The following FMO3 variants were observed in gnomAD, a reference collection of about 807,000 sequenced individuals.
The protein encoded by FMO3 is flavin containing dimethylaniline monoxygenase 3.
Under a neutral mutation model 39.4 loss-of-function variants are expected in FMO3, and 40 were observed. The observed-to-expected ratio is 1.02, with a 90% confidence interval of 0.79 to 1.32. FMO3 has a LOEUF of 1.32. Among genes scored for constraint, FMO3 ranks in the 40% most tolerant of loss-of-function variants. FMO3 has a pLI of 0.00. For missense variants in FMO3, 680 were observed against 651.8 expected, an observed-to-expected ratio of 1.04 and a Z score of -0.47; for synonymous variants, 219 against 228.8, an observed-to-expected ratio of 0.96 and a Z score of 0.39.
Position 171,091,563 on chromosome 1 carries a change from T to C in FMO3, c.-7+582T>C, listed in dbSNP as rs144628594. Among the ~76,000 whole-genome samples the C allele has an allele frequency of 7.7e-3, 1,144 of 149,022 alleles. 11 individuals carry two copies. Among genetic ancestry groups the C allele is most frequent in the Non-Finnish European group, 9.1e-3 (615 of 67,568 alleles). The stretch of plus-strand genomic sequence containing the variant: ...GGACGCTGAAGGTAGTGGGAAAAAA[T>C]TGTTTTTAGGTAAGAACATGACTTC... On this transcript the variant is annotated intron_variant, in intron 1 of 8. Transcript: ENST00000367755.
chr1:171,107,170 C>T (rs1246983518), intron 3 of FMO3, among the ~76,000 whole-genome samples: 1 of 152,148 alleles, frequency 6.6e-6, no homozygotes, highest in East Asian at 1.9e-4. Flanking sequence ...GTCAAAGCTA[C>T]TCAGTGTATA....
intron 2 of FMO3, among the ~76,000 whole-genome samples, chr1:171,096,081 A>ATATATATTATATATAATATATAT (rs1655012838): frequency 2.5e-4 from 14 of 55,994 alleles, no homozygotes; most frequent in South Asian, 1.7e-3. Flanking sequence ...TTAATATATA[A>ATATATATTATATATAATATATAT]TATATATTAA....
intron 6 of FMO3, 40 bp downstream of exon 6, chr1:171,111,037 G>A: frequency 1.3e-6 from 2 of 1,541,090 alleles, no homozygotes; most frequent in East Asian, 2.3e-5. Flanking sequence ...CTGGCTTTTA[G>A]TTCAGTGTCA....
At chr1:171,094,996 T>C (rs1019233882) in intron 2 of FMO3, among the ~76,000 whole-genome samples, 11 of 152,302 alleles carry the variant, frequency 7.2e-5, no homozygotes, top group African/African-American at 2.6e-4. Context: ...TGTTAGAAAT[T>C]GCATTAAGTC....
At chr1:171,109,621 G>A (rs1006573872) in intron 5 of FMO3, among the ~76,000 whole-genome samples, 13 of 130,294 alleles carry the variant, frequency 1.0e-4, no homozygotes, top group Admixed American at 3.9e-4. Flanking sequence ...TGCAACCTCC[G>A]TCTCCCAGGT....
chr1:171,101,025 T>C (rs1051261677), intron 2 of FMO3: 1 of 441,006 alleles, frequency 2.3e-6, no homozygotes, highest in Non-Finnish European at 4.5e-6. Flanking sequence ...TGTGATGACC[T>C]CAACAGAAAG....
intron 2 of FMO3, among the ~76,000 whole-genome samples, chr1:171,096,048 A>AAATATATAATATATATTATATATT (rs1463276994): frequency 1.8e-3 from 93 of 51,604 alleles, no homozygotes; most frequent in Non-Finnish European, 2.2e-3. Flanking sequence ...TATTATATAT[A>AAATATATAATATATATTATATATT]AATATATAAT....
At chr1:171,101,608 A>T in intron 2 of FMO3, 1 of 460,154 alleles carries the variant, frequency 2.2e-6, no homozygotes, top group Non-Finnish European at 4.4e-6. Context: ...CTAAGGGTGC[A>T]TATAGTTGAA....
chr1:171,103,640 A>C, intron 2 of FMO3, 145 bp from the exon 3 acceptor site: 2 of 715,646 alleles, frequency 2.8e-6, no homozygotes, highest in Non-Finnish European at 2.5e-6. Context: ...AAGAGACTTG[A>C]GCATTCGTAG....
Position 171,114,068 on chromosome 1 carries a change from G to T in FMO3, c.889G>T (p.Val297Leu), listed in dbSNP as rs762874376. 2.1e-5 allele frequency: 34 copies of T among 1,613,292 alleles called. No individual in the cohort carries two copies. Among genetic ancestry groups the T allele is most frequent in the Non-Finnish European group, 2.8e-5 (33 of 1,179,508 alleles). The change falls in exon 7 of 9, where the codon GTG (valine) becomes TTG (leucine). Residue 297 changes from valine to leucine, a missense_variant. By Grantham distance (32) the Val-to-Leu change is conservative. Coordinates refer to ENST00000367755, the MANE Select transcript of FMO3 (RefSeq NM_001002294.3). ...ELPASILCGI[V>L]SVKPNVKEFT... ...CCCAGCAAGCATTCTGTGTGGCATT[G>T]TGTCCGTAAAGCCTAACGTGAAGGA...
Position 171,117,372 on chromosome 1 carries a change from T to G in FMO3, c.1529T>G (p.Phe510Cys). Residue 510 changes from phenylalanine to cysteine, a missense_variant, in exon 9 of 9, where the codon TTC becomes TGC. Coordinates refer to ENST00000367755, the MANE Select transcript of FMO3 (RefSeq NM_001002294.3). ...RVVGRLQKPC[F>C]FFHWLKLFAI... ...GTCGGGAGACTTCAGAAGCCTTGCTTCTTTTTCCATTGGCTGAAGCTCTTT... is the reference window on the plus strand; with the variant it reads ...GTCGGGAGACTTCAGAAGCCTTGCTGCTTTTTCCATTGGCTGAAGCTCTTT... 6.2e-7 allele frequency: 1 copy of G among 1,612,776 alleles called. No individual in the cohort carries two copies. Among genetic ancestry groups the G allele is most frequent in the Non-Finnish European group, 8.5e-7 (1 of 1,179,522 alleles).
At chr1:171,096,670 AT>A (rs1176833161) in intron 2 of FMO3, among the ~76,000 whole-genome samples, 1 of 94,692 alleles carries the variant, frequency 1.1e-5, no homozygotes, top group Non-Finnish European at 2.0e-5. Flanking sequence ...TAAAATATAT[AT>A]TTTATATTTA....
intron 2 of FMO3, among the ~76,000 whole-genome samples, chr1:171,099,572 G>A (rs958265153): frequency 2.0e-5 from 3 of 151,496 alleles, no homozygotes; most frequent in Admixed American, 6.6e-5. Context: ...TATAAGCTAG[G>A]TATATTTTTT....
Position 171,103,849 on chromosome 1 carries a change from T to G in FMO3, c.197T>G (p.Met66Arg). The G allele has an allele frequency of 6.2e-7, 1 of 1,613,868 alleles. No homozygotes were observed. The highest frequency in any genetic ancestry group is 1.7e-5 in the Admixed American group (1 of 59,962). Residue 66 changes from methionine to arginine, a missense_variant, in exon 3 of 9, where the codon ATG becomes AGG. Physicochemically the swap from Met to Arg is moderately conservative, Grantham distance 91 (BLOSUM62 -1). Transcript: ENST00000367755. ...KSVFSNSSKE[M>R]MCFPDFPFPD... ...GTCTTTTCCAACTCTTCCAAAGAGA[T>G]GATGTGTTTCCCAGACTTCCCATTT...
At chr1:171,108,261 C>T in intron 5 of FMO3, 40 bp downstream of exon 5, 1 of 1,609,934 alleles carries the variant, frequency 6.2e-7, no homozygotes, top group Non-Finnish European at 8.5e-7. Context: ...TCGTTACTGA[C>T]AGAAGAGTTA....
chr1:171,092,246 G>A (rs113729962), intron 1 of FMO3, among the ~76,000 whole-genome samples: 21,758 of 152,034 alleles, frequency 0.14, 1,963 homozygotes, highest in Non-Finnish European at 0.2. Flanking sequence ...TAGAGACAAG[G>A]TCTTACTCTG....
chr1:171,109,045 G>A (rs902165308), intron 5 of FMO3, among the ~76,000 whole-genome samples: 1 of 152,132 alleles, frequency 6.6e-6, no homozygotes, highest in African/African-American at 2.4e-5. Flanking sequence ...CTGGAATGGA[G>A]GTTCTTAATG....
In FMO3 at chr1:171,107,712, C is replaced by T; in HGVS notation, c.359C>T (p.Ala120Val). Residue 120 changes from alanine (A) to valine (V), a missense_variant, in exon 4 of 9, where the codon GCA becomes GTA. Ala to Val is a moderately conservative substitution (Grantham distance 64). Coordinates refer to ENST00000367755, the MANE Select transcript of FMO3 (RefSeq NM_001002294.3). ...AGTGTAAATAAACATCCTGATTTTG[C>T]AACTACTGGCCAGTGGGATGTTACC... ...VSSVNKHPDF[A>V]TTGQWDVTTE... The T allele has an allele frequency of 2.5e-6, 4 of 1,613,028 alleles. No homozygotes were observed. Among genetic ancestry groups the T allele is most frequent in the Non-Finnish European group, 3.4e-6 (4 of 1,179,134 alleles).
intron 5 of FMO3, among the ~76,000 whole-genome samples, chr1:171,108,760 G>A (rs574618911): frequency 6.6e-6 from 1 of 152,206 alleles, no homozygotes; most frequent in African/African-American, 2.4e-5. Flanking sequence ...GAAGACAGTG[G>A]TGAACATAAC....
Sources: allele counts gnomAD v4.1 joint callset (sites outside exome capture counted in the v4.1 genomes callset), GRCh38; gene constraint gnomAD v4.1.1; transcripts MANE v1.5; gene names NCBI Gene and HGNC (gene_info 2026-07-23, HGNC 2026-07-21).